The following RIOX2 variants were observed in gnomAD, a reference collection of about 807,000 sequenced individuals.
RIOX2 encodes the protein 60S ribosomal protein L27a histidine hydroxylase.
RIOX2 carries 43 observed loss-of-function variants against 51.2 expected under a neutral mutation model. The ratio of observed to expected loss-of-function variants is 0.84; its 90% CI spans 0.66 to 1.08. The LOEUF (loss-of-function observed/expected upper bound fraction) is 1.08, where lower values mean the gene tolerates loss of function less well. RIOX2 is among the 50% of genes least tolerant of loss of function. The pLI is 0.00. For synonymous variants in RIOX2, 226 were observed against 218.5 expected, an observed-to-expected ratio of 1.03 and a Z score of -0.30; for missense variants, 566 against 561.7, an observed-to-expected ratio of 1.01 and a Z score of -0.08.
chr3:97,954,541 T>G (rs751690672), intron 4 of RIOX2, 46 bp from the exon 5 acceptor site: 1 of 1,470,010 alleles, frequency 6.8e-7, no homozygotes, highest in Non-Finnish European at 9.5e-7. Context: ...TAAGTATTCC[T>G]TCTCAGTCCT....
At chr3:97,963,592 T>C (rs1705762422) in intron 2 of RIOX2, among the ~76,000 whole-genome samples, 2 of 152,216 alleles carry the variant, frequency 1.3e-5, no homozygotes, top group African/African-American at 4.8e-5. Flanking sequence ...GGTTCTGTAA[T>C]TATTTTTATA....
Position 97,947,384 on chromosome 3 carries a change from C to T in RIOX2, c.1126G>A (p.Val376Ile), listed in dbSNP as rs1398131504. ...ACAGATTGATCTTGATCCGGCAGTA[C>T]TGTGAGGACAATGTGGTCTTTAAAC... ...LQFKDHIVLT[V>I]LPDQDQSDEA... The change falls in exon 8 of 10, where the codon GTA becomes ATA. Residue 376 changes from valine (V) to isoleucine (I), a missense_variant. Physicochemically the swap from Val to Ile is conservative, Grantham distance 29. Coordinates refer to ENST00000394198, the MANE Select transcript of RIOX2 (RefSeq NM_153182.4). 6.2e-7 allele frequency: 1 copy of T among 1,613,344 alleles called. No homozygotes were observed. Among genetic ancestry groups the T allele is most frequent in the African/African-American group, 1.3e-5 (1 of 74,980 alleles).
chr3:97,957,795 A>C (rs992195773), intron 4 of RIOX2, among the ~76,000 whole-genome samples: 2 of 152,212 alleles, frequency 1.3e-5, no homozygotes, highest in Admixed American at 1.3e-4. Flanking sequence ...CCGTGAATCT[A>C]TGTAAACATG....
intron 2 of RIOX2, among the ~76,000 whole-genome samples, chr3:97,963,130 T>G (rs1705748156): frequency 6.6e-6 from 1 of 152,316 alleles, no homozygotes; most frequent in South Asian, 2.1e-4. Context: ...GAAAAAAGAC[T>G]TTTTTAAGAC....
chr3:97,958,960 G>C (rs952336898), intron 4 of RIOX2, 91 bp downstream of exon 4: 1 of 1,385,120 alleles, frequency 7.2e-7, no homozygotes, highest in Non-Finnish European at 9.6e-7. Context: ...ACCATCACAC[G>C]AACTCTAAAC....
intron 4 of RIOX2, among the ~76,000 whole-genome samples, chr3:97,958,615 T>C (rs1001468040): frequency 1.3e-5 from 2 of 152,188 alleles, no homozygotes; most frequent in Admixed American, 1.3e-4. Context: ...ACTGGAATTT[T>C]AGCAACAACA....
Position 97,950,790 on chromosome 3 carries a change from A to C in RIOX2, c.884T>G (p.Leu295Arg). Residue 295 changes from leucine to arginine, a missense_variant, in exon 6 of 10, where the codon CTC (leucine) becomes CGC (arginine). By Grantham distance (102) the Leu-to-Arg change is moderately radical. Coordinates refer to ENST00000394198, the MANE Select transcript of RIOX2 (RefSeq NM_153182.4). ...ELRTGIPRQL[L>R]LQVESTTVAT... ...CTACCTGCCTTTACTCCTTACCAGG[A>C]GCAGCTGCCGGGGTATGCCGGTCCG... The C allele has an allele frequency of 6.2e-7, 1 of 1,613,344 alleles. No homozygotes were observed.
chr3:97,958,946 G>A (rs114673012), intron 4 of RIOX2, 105 bp downstream of exon 4: 525 of 1,270,614 alleles, frequency 4.1e-4, no homozygotes, highest in African/African-American at 2.7e-3. Context: ...ATATTCCCAC[G>A]GGGACCATCA....
chr3:97,957,309 C>G (rs4857303), intron 4 of RIOX2, among the ~76,000 whole-genome samples: 69,735 of 151,578 alleles, frequency 0.46, 16,647 homozygotes, highest in East Asian at 0.7. Context: ...CCAGCCTGGC[C>G]AACATGGTGA....
chr3:97,958,366 A>G (rs1705534680), intron 4 of RIOX2, among the ~76,000 whole-genome samples: 1 of 152,250 alleles, frequency 6.6e-6, no homozygotes, highest in Non-Finnish European at 1.5e-5. Context: ...ACTCCTATCC[A>G]TGTAACGTTC....
At chr3:97,972,034 G>C (rs567706495) in intron 1 of RIOX2, 2 of 152,248 alleles carry the variant, frequency 1.3e-5, no homozygotes, top group African/African-American at 4.8e-5. Flanking sequence ...GGCGGAGGCC[G>C]GCACCACCCT....
chr3:97,957,772 T>C (rs1705507243), intron 4 of RIOX2, among the ~76,000 whole-genome samples: 1 of 152,188 alleles, frequency 6.6e-6, no homozygotes, highest in Non-Finnish European at 1.5e-5. Flanking sequence ...GCTTAGTCTT[T>C]AAAGATAACC....
chr3:97,949,176 C>T (rs1705136076), intron 7 of RIOX2, among the ~76,000 whole-genome samples: 1 of 152,046 alleles, frequency 6.6e-6, no homozygotes, highest in South Asian at 2.1e-4. Flanking sequence ...TTGTGGGGAG[C>T]AGATCCCTCA....
chr3:97,957,941 G>A (rs1005993514), intron 4 of RIOX2, among the ~76,000 whole-genome samples: 6 of 152,126 alleles, frequency 3.9e-5, no homozygotes, highest in African/African-American at 1.4e-4. Context: ...TTAAGGAATG[G>A]GTGTGGCTGT....
At chr3:97,949,654 C>A (rs1705163343) in intron 7 of RIOX2, among the ~76,000 whole-genome samples, 190 bp downstream of exon 7, 1 of 152,114 alleles carries the variant, frequency 6.6e-6, no homozygotes, top group African/African-American at 2.4e-5. Flanking sequence ...CAAATGACTT[C>A]TAAGATACAG....
rs538497540 is a variant in RIOX2, at chr3:97,958,693, G to A, written c.681+358C>T. On this transcript the variant is annotated intron_variant, in intron 4 of 9. Transcript: ENST00000394198. ...AACTTCCAGCCCTGTGCTGACCATC[G>A]TCTTGGATGTGGAGAAGCTGCCCAA... is the stretch of plus-strand genomic sequence containing the variant. 7.2e-5 allele frequency among the ~76,000 whole-genome samples: 11 copies of A among 152,284 alleles called. No homozygotes were observed. In the East Asian group the frequency reaches 9.6e-4, roughly 13 times the overall value.
In RIOX2 at chr3:97,967,545, C is replaced by G. The variant is rs35391656; in HGVS notation, c.49G>C (p.Ala17Pro). 7.8e-3 allele frequency: 12,568 copies of G among 1,611,548 alleles called. 779 individuals are homozygous for G. In the African/African-American group the frequency reaches 0.14, roughly 18 times the overall value. ...PTGSGKEEGP[A>P]PCKQMKLEAA... ...TCTAACTTCATCTGCTTACAGGGAG[C>G]CGGCCCCTCTTCCTTCCCACTCCCT... The change falls in exon 2 of 10, where the codon GCT becomes CCT. Residue 17 changes from alanine to proline, a missense_variant. Transcript: ENST00000394198.
At chr3:97,954,347 G>T in intron 5 of RIOX2, 45 bp downstream of exon 5, 1 of 1,432,210 alleles carries the variant, frequency 7.0e-7, no homozygotes, top group Non-Finnish European at 9.8e-7. Context: ...TGCAGGCCAG[G>T]ACTCAGAGCT....
At chr3:97,959,304 A>C in intron 3 of RIOX2, 125 bp from the exon 4 acceptor site, 55 of 425,100 alleles carry the variant, frequency 1.3e-4, no homozygotes, top group Non-Finnish European at 1.8e-4. Context: ...TGAACAACAC[A>C]GGTTTTTTTT....
Sources: gnomAD v4.1 joint callset for allele counts (sites outside exome capture counted in the v4.1 genomes callset) on GRCh38, gnomAD v4.1.1 for gene constraint, MANE v1.5 for transcripts, NCBI Gene and HGNC (gene_info 2026-07-23, HGNC 2026-07-21) for gene names.